ENTPD2: variants seen among roughly 807,000 people sequenced by gnomAD.
ENTPD2 encodes ectonucleoside triphosphate diphosphohydrolase 2, also known as CD39 antigen-like 1.
A neutral mutation model predicts 46.8 loss-of-function variants in ENTPD2; 48 were observed. The ratio of observed to expected loss-of-function variants is 1.03; its 90% CI spans 0.81 to 1.30. ENTPD2 has a LOEUF of 1.30. Among genes scored for constraint, ENTPD2 ranks in the 50% most tolerant of loss-of-function variants. The pLI is 0.00. For synonymous variants in ENTPD2, 316 were observed against 286.1 expected (o/e 1.10, Z -1.06); for missense variants, 707 against 651.1 (o/e 1.09, Z -0.93).
rs1832214899 is a variant in ENTPD2, at chr9:137,049,418, C to T, written c.1150-343G>A. The T allele has an allele frequency of 5.4e-6, 3 of 555,040 alleles. No homozygotes were observed. The East Asian group carries it at 1.1e-4, about 20-fold the overall frequency. 34.4% of individuals were successfully genotyped at this position (555,040 alleles called of 1,614,324 possible). A position where few individuals can be genotyped will look rare whatever the true frequency, so the allele number is the denominator to read the frequency against. On this transcript the variant is annotated intron_variant, in intron 7 of 8. Transcript: ENST00000355097. Reference sequence around the variant, plus strand: ...CTGAGTCTGCCCGCTGGCTCGCCGCCTGTCCCCACCTCCCTCACCCCAGTC... The same window carrying T: ...CTGAGTCTGCCCGCTGGCTCGCCGCTTGTCCCCACCTCCCTCACCCCAGTC...
rs745643137 is a variant in ENTPD2, at chr9:137,051,086, A to G, written c.590T>C (p.Leu197Pro). The G allele has an allele frequency of 4.3e-6, 7 of 1,612,710 alleles. No individual in the cohort carries two copies. In the Admixed American group the frequency reaches 1.2e-4, roughly 27 times the overall value. The change falls in exon 5 of 9, where the codon CTG becomes CCG. Residue 197 changes from leucine (L) to proline (P), a missense_variant. Coordinates refer to ENST00000355097, the MANE Select transcript of ENTPD2 (RefSeq NM_203468.3). ...GRWFRPRKGT[L>P]GAMDLGGAST... ...GGCACCCCCCAGGTCCATGGCCCCCAGTGTCCCCTTCCGTGGCCGGAACCA... is the reference window on the plus strand; with the variant it reads ...GGCACCCCCCAGGTCCATGGCCCCCGGTGTCCCCTTCCGTGGCCGGAACCA...
intron 4 of ENTPD2, 30 bp downstream of exon 4, chr9:137,051,181 C>G (rs373580613): frequency 1.9e-6 from 3 of 1,611,946 alleles, no homozygotes; most frequent in Non-Finnish European, 2.5e-6. Context: ...GCCCACGCCC[C>G]CTGGCTCTTT....
Position 137,048,667 on chromosome 9 carries a change from CT to C in ENTPD2, c.1477del (p.Ser493AlafsTer85), listed in dbSNP as rs1832188492. On this transcript the variant is annotated frameshift_variant, in exon 9 of 9. Coordinates refer to ENST00000355097, the MANE Select transcript of ENTPD2 (RefSeq NM_203468.3). LOFTEE classifies it high-confidence loss of function. ...LRQVHSAKLPSTI is the reference protein window; with the variant it reads ...LRQVHSAKLPXTI ...TGCCCCCGTCGGCCCCTAAATGGTGCTTGGCAGCTTGGCGGAGTGCACCTGA... is the reference window on the plus strand; with the variant it reads ...TGCCCCCGTCGGCCCCTAAATGGTGCTGGCAGCTTGGCGGAGTGCACCTGA... 6.3e-7 allele frequency: 1 copy of C among 1,593,970 alleles called. No homozygotes were observed. The highest frequency in any genetic ancestry group is 8.5e-7 in the Non-Finnish European group (1 of 1,171,736).
At chr9:137,052,475 C>T (rs1832320313) in intron 1 of ENTPD2, 127 bp from the exon 2 acceptor site, 1 of 730,634 alleles carries the variant, frequency 1.4e-6, no homozygotes, top group East Asian at 2.7e-5. Context: ...TGCCAAGCCT[C>T]ATGCTGAAGC....
intron 2 of ENTPD2, 137 bp downstream of exon 2, chr9:137,052,094 T>C (rs1832309580): frequency 1.3e-6 from 1 of 769,158 alleles, no homozygotes; most frequent in Non-Finnish European, 2.1e-6. Flanking sequence ...GGCACCAGCC[T>C]CTCTCTTTCC....
Position 137,051,536 on chromosome 9 carries a change from T to G in ENTPD2, c.360A>C (p.Gly120=), listed in dbSNP as rs752123055. The G allele has an allele frequency of 1.2e-6, 2 of 1,608,576 alleles. No individual in the cohort carries two copies. The highest frequency in any genetic ancestry group is 1.1e-5 in the South Asian group (1 of 90,524). ...ERHAGTPLYL[G]ATAGMRLLNL... ...TGAGCAGGCGCATACCCGCTGTGGC[T>G]CCCAGGTAGAGGGGTGTGCCCGCGT... The change falls in exon 3 of 9, where the codon GGA becomes GGC. Residue 120 remains glycine, a synonymous_variant. Coordinates refer to ENST00000355097, the MANE Select transcript of ENTPD2 (RefSeq NM_203468.3).
intron 1 of ENTPD2, 129 bp from the exon 2 acceptor site, chr9:137,052,477 T>G: frequency 1.4e-6 from 1 of 718,112 alleles, no homozygotes. Context: ...CCAAGCCTCA[T>G]GCTGAAGCTC....
In ENTPD2 at chr9:137,050,990, TAG is replaced by T; in HGVS notation, c.684_685del (p.Tyr229ArgfsTer17). 1 of 1,603,448 alleles carries T rather than the reference TAG, an allele frequency of 6.2e-7. No homozygotes were observed. The highest frequency in any genetic ancestry group is 8.5e-7 in the Non-Finnish European group (1 of 1,175,008). ...GGTGTAGACTCGGTAGTGCTGGCCG[TAG>T]AGATGCAGCTGGACCTCGCTGGCTC... On this transcript the variant is annotated frameshift_variant, in exon 5 of 9. Transcript: ENST00000355097. LOFTEE classifies it high-confidence loss of function.
chr9:137,053,839 C>T, intron 1 of ENTPD2, 42 bp downstream of exon 1: 3 of 1,192,188 alleles, frequency 2.5e-6, no homozygotes, highest in South Asian at 4.2e-5. Context: ...CCAAGCCCGG[C>T]CCGCTGCTCC....
In ENTPD2 at chr9:137,048,780, C is replaced by T. The variant is rs1163081939; in HGVS notation, c.1365G>A (p.Leu455=). ...AGGAGCTGAAGTCTGTGCCCTTGCG[C>T]AGCCCCGGCGGGTCGGCGGGGATCA... ...TNLIPADPPG[L]RKGTDFSSWV... Residue 455 remains leucine (L), a synonymous_variant, in exon 9 of 9, where the codon CTG becomes CTA. Coordinates refer to ENST00000355097, the MANE Select transcript of ENTPD2 (RefSeq NM_203468.3). 2 of 1,594,182 alleles carry T rather than the reference C, an allele frequency of 1.3e-6. No individual in the cohort carries two copies. Among genetic ancestry groups the T allele is most frequent in the African/African-American group, 2.7e-5 (2 of 74,600 alleles).
chr9:137,052,498 A>C (rs2131515668), intron 1 of ENTPD2, 150 bp from the exon 2 acceptor site: 4 of 612,618 alleles, frequency 6.5e-6, no homozygotes, highest in African/African-American at 1.9e-5. Context: ...AGAGGAGGCC[A>C]GGGCCTCCTC....
chr9:137,052,481 G>T, intron 1 of ENTPD2, 133 bp from the exon 2 acceptor site: 1 of 702,708 alleles, frequency 1.4e-6, no homozygotes, highest in Non-Finnish European at 2.4e-6. Flanking sequence ...GCCTCATGCT[G>T]AAGCTCAGAG....
rs1242400210 is a variant in ENTPD2, at chr9:137,051,534, G to A, written c.362C>T (p.Ala121Val). Reference sequence around the variant, plus strand: ...CTTGAGCAGGCGCATACCCGCTGTGGCTCCCAGGTAGAGGGGTGTGCCCGC... The same window carrying A: ...CTTGAGCAGGCGCATACCCGCTGTGACTCCCAGGTAGAGGGGTGTGCCCGC... ...RHAGTPLYLG[A>V]TAGMRLLNLT... is the part of the protein sequence containing the mutation. The change falls in exon 3 of 9, where the codon GCC becomes GTC. Residue 121 changes from alanine to valine, a missense_variant. Transcript: ENST00000355097. The A allele has an allele frequency of 7.5e-6, 12 of 1,607,816 alleles. No homozygotes were observed. The highest frequency in any genetic ancestry group is 1.0e-5 in the Non-Finnish European group (12 of 1,177,282).
At chr9:137,053,611 G>C (rs1204460045) in intron 1 of ENTPD2, among the ~76,000 whole-genome samples, 3 of 152,216 alleles carry the variant, frequency 2.0e-5, no homozygotes, top group Non-Finnish European at 2.9e-5. Flanking sequence ...CCCCTGGGCT[G>C]CGTTGACGGA....
In ENTPD2 at chr9:137,050,364, G is replaced by T. The variant is rs555700532; in HGVS notation, c.949C>A (p.Leu317Ile). 67 of 1,612,946 alleles carry T rather than the reference G, an allele frequency of 4.2e-5. No individual in the cohort carries two copies. In the South Asian group the frequency reaches 7.1e-4, roughly 17 times the overall value. Residue 317 changes from leucine to isoleucine, a missense_variant, in exon 6 of 9, where the codon CTC becomes ATC. By Grantham distance (5) the Leu-to-Ile change is conservative (BLOSUM62 2). Transcript: ENST00000355097. ...PHLCRDLVSG[L>I]FSFSSCPFSR... Reference sequence around the variant, plus strand: ...AAGGGGCAGGAGGAGAAGCTGAAGAGCCCAGAAACCAGATCTCGGCAGAGG... The same window carrying T: ...AAGGGGCAGGAGGAGAAGCTGAAGATCCCAGAAACCAGATCTCGGCAGAGG...
Position 137,048,618 on chromosome 9 carries a change from G to C in ENTPD2, c.*39C>G. The C allele has an allele frequency of 6.6e-7, 1 of 1,523,892 alleles. No individual in the cohort carries two copies. 94.4% of individuals were successfully genotyped at this position (1,523,892 alleles called of 1,614,324 possible). ...GTGGGAGTACGGGGTGGGGATACAG[G>C]GGTTGGGGGAGGGATGGGGCAGCTG... On this transcript the variant is annotated 3_prime_UTR_variant, in exon 9 of 9. Transcript: ENST00000355097.
rs1244740756 is a variant in ENTPD2, at chr9:137,053,921, C to G, written c.77G>C (p.Cys26Ser). The change falls in exon 1 of 9, where the codon TGC (cysteine) becomes TCC (serine). Residue 26 changes from cysteine to serine, a missense_variant. Transcript: ENST00000355097. ...AAGLAGLLLL[C>S]VPTRDVREPP... ...CTCCCGGACGTCGCGGGTGGGGACG[C>G]ACAGCAGTAGGAGGCCGGCGAGGCC... The G allele has an allele frequency of 7.3e-6, 9 of 1,225,660 alleles. No homozygotes were observed. Among genetic ancestry groups the G allele is most frequent in the African/African-American group, 1.6e-5 (1 of 63,982 alleles). 75.9% of individuals were successfully genotyped at this position (1,225,660 alleles called of 1,614,324 possible). A position where few individuals can be genotyped will look rare whatever the true frequency, so the allele number is the denominator to read the frequency against.
intron 1 of ENTPD2, 195 bp from the exon 2 acceptor site, chr9:137,052,543 T>G (rs7024097): frequency 0.9 from 441,988 of 491,080 alleles, 199,095 homozygotes; most frequent in Admixed American, 0.92. Flanking sequence ...AGGGAGGTGG[T>G]GGGGAGGTGA....
At position 137,053,941 on chromosome 9, in the gene ENTPD2, G is replaced by T. The variant is rs1832352939; in HGVS notation, c.57C>A (p.Leu19=). 3 of 1,214,580 alleles carry T rather than the reference G, an allele frequency of 2.5e-6. No homozygotes were observed. The highest frequency in any genetic ancestry group is 3.1e-6 in the Non-Finnish European group (3 of 973,948). 75.2% of individuals were successfully genotyped at this position (1,214,580 alleles called of 1,614,324 possible). ...LPPLLLAAAG[L]AGLLLLCVPT... Reference sequence around the variant, plus strand: ...GGACGCACAGCAGTAGGAGGCCGGCGAGGCCCGCGGCGGCCAGCAGCAGCG... The same window carrying T: ...GGACGCACAGCAGTAGGAGGCCGGCTAGGCCCGCGGCGGCCAGCAGCAGCG... The change falls in exon 1 of 9, where the codon CTC becomes CTA. Residue 19 remains leucine (L), a synonymous_variant. Transcript: ENST00000355097.
Sources: allele counts gnomAD v4.1 joint callset (sites outside exome capture counted in the v4.1 genomes callset), GRCh38; gene constraint gnomAD v4.1.1; transcripts MANE v1.5; gene names NCBI Gene and HGNC (gene_info 2026-07-23, HGNC 2026-07-21).